Variants in OSMR observed in about 807,000 individuals in gnomAD.
The protein encoded by OSMR is oncostatin M receptor.
OSMR carries 81 observed loss-of-function variants against 99.9 expected under a neutral mutation model. The ratio of observed to expected loss-of-function variants is 0.81; its 90% CI spans 0.68 to 0.97. OSMR has a LOEUF of 0.97. Among genes scored for constraint, OSMR ranks in the 50% least tolerant of loss-of-function variants. OSMR has a pLI of 0.00. For missense variants in OSMR, 1,099 were observed against 1,153.4 expected (o/e 0.95, Z 0.68); for synonymous variants, 406 against 410.4 (o/e 0.99, Z 0.13).
intron 1 of OSMR, among the ~76,000 whole-genome samples, chr5:38,863,186 AGAGGGAGAGGGGGAGGGG>A (rs1561341277): frequency 2.3e-4 from 6 of 26,304 alleles, no homozygotes; most frequent in Admixed American, 5.8e-4. Context: ...GGGGAGAGGG[AGAGGGAGAGGGGGAGGGG>A]GAGGGGGAGG....
At chr5:38,891,473 C>T (rs1414907793) in intron 7 of OSMR, among the ~76,000 whole-genome samples, 1 of 152,222 alleles carries the variant, frequency 6.6e-6, no homozygotes, top group Non-Finnish European at 1.5e-5. Context: ...AAGGAGGCAG[C>T]AGGCCCCATG....
At chr5:38,893,001 C>T (rs769939469) in intron 7 of OSMR, among the ~76,000 whole-genome samples, 3 of 152,206 alleles carry the variant, frequency 2.0e-5, no homozygotes, top group Admixed American at 6.5e-5. Context: ...ACATTTGTCA[C>T]CCTACCTCTG....
intron 9 of OSMR, among the ~76,000 whole-genome samples, chr5:38,915,620 G>A (rs1429338914): frequency 3.3e-5 from 5 of 152,126 alleles, no homozygotes; most frequent in African/African-American, 1.2e-4. Flanking sequence ...GTTTGTAGCA[G>A]TGCTACTAAC....
chr5:38,907,268 A>G (rs752971990), intron 9 of OSMR, among the ~76,000 whole-genome samples: 19 of 152,196 alleles, frequency 1.2e-4, no homozygotes, highest in Non-Finnish European at 2.2e-4. Context: ...AAGGGGTTGA[A>G]CAGGCGGCCT....
chr5:38,931,567 C>T (rs994306098), intron 15 of OSMR, among the ~76,000 whole-genome samples: 1 of 152,216 alleles, frequency 6.6e-6, no homozygotes, highest in African/African-American at 2.4e-5. Context: ...ATAGTATTCT[C>T]ACCTACCATG....
intron 9 of OSMR, among the ~76,000 whole-genome samples, chr5:38,916,500 G>A (rs952991158): frequency 2.0e-5 from 3 of 152,156 alleles, no homozygotes; most frequent in African/African-American, 7.2e-5. Context: ...GAATTGTTAT[G>A]AGGATTAAAT....
intron 1 of OSMR, among the ~76,000 whole-genome samples, chr5:38,856,779 C>CT (rs1740887458): frequency 6.6e-6 from 1 of 152,142 alleles, no homozygotes; most frequent in African/African-American, 2.4e-5. Context: ...GAAACTGGGA[C>CT]TAGGGGCACG....
At chr5:38,941,211 CAT>C in intron 1 of OSMR, 1 of 232,836 alleles carries the variant, frequency 4.3e-6, no homozygotes. Flanking sequence ...CCTACCACTG[CAT>C]TTAGTTTGTG....
rs1746907157 is a variant in OSMR at position 38,934,072 on chromosome 5, C to G, written c.*628C>G. On this transcript the variant is annotated 3_prime_UTR_variant, in exon 18 of 18. Transcript: ENST00000274276. ...ATATATAAAATGTGTGATGAATCAACAAGATTTCCACAATTCTTCTGTCAA... is the reference window on the plus strand; with the variant it reads ...ATATATAAAATGTGTGATGAATCAAGAAGATTTCCACAATTCTTCTGTCAA... The G allele has an allele frequency of 6.5e-6, 1 of 152,778 alleles. No homozygotes were observed. Among genetic ancestry groups the G allele is most frequent in the East Asian group, 1.9e-4 (1 of 5,172 alleles). The allele number at this position is 152,778 out of a possible 1,614,324, so 9.5% of individuals were successfully genotyped here.
chr5:38,907,347 G>A (rs1745310188), intron 9 of OSMR, among the ~76,000 whole-genome samples: 1 of 152,198 alleles, frequency 6.6e-6, no homozygotes, highest in African/African-American at 2.4e-5. Flanking sequence ...AATTGGACTG[G>A]CAGGAAGAGC....
chr5:38,918,770 T>A, intron 10 of OSMR, 70 bp from the exon 11 acceptor site: 1 of 1,586,084 alleles, frequency 6.3e-7, no homozygotes, highest in Non-Finnish European at 8.6e-7. Flanking sequence ...ACAGAAAAGA[T>A]GAAAAAGGAG....
intron 2 of OSMR, chr5:38,944,640 A>G (rs887870267): frequency 1.3e-5 from 17 of 1,337,464 alleles, no homozygotes; most frequent in African/African-American, 2.9e-5. Flanking sequence ...CATGAAATTT[A>G]TTTTTAAACT....
At chr5:38,941,783 G>A (rs974655792) in intron 1 of OSMR, 4 of 232,648 alleles carry the variant, frequency 1.7e-5, no homozygotes, top group South Asian at 1.8e-4. Flanking sequence ...TAAGAAAAAC[G>A]TGAAAGGGCC....
intron 7 of OSMR, among the ~76,000 whole-genome samples, chr5:38,900,459 G>T (rs981908349): frequency 1.3e-5 from 2 of 152,126 alleles, no homozygotes; most frequent in South Asian, 4.1e-4. Flanking sequence ...GATCCTGCAG[G>T]TGGGACAATC....
chr5:38,852,396 G>A (rs1351510438), intron 1 of OSMR, among the ~76,000 whole-genome samples: 2 of 152,162 alleles, frequency 1.3e-5, no homozygotes, highest in Non-Finnish European at 2.9e-5. Context: ...ACCTCTGTAA[G>A]GTTGTATGCT....
chr5:38,871,170 C>G (rs1251728571), intron 2 of OSMR, among the ~76,000 whole-genome samples: 1 of 152,230 alleles, frequency 6.6e-6, no homozygotes, highest in African/African-American at 2.4e-5. Context: ...TCCCAGGCAT[C>G]TAACTCTAAG....
chr5:38,892,130 G>A (rs573079859), intron 7 of OSMR, among the ~76,000 whole-genome samples: 1 of 152,280 alleles, frequency 6.6e-6, no homozygotes, highest in African/African-American at 2.4e-5. Context: ...TGGATGGGAG[G>A]AAGCAGGAGC....
At chr5:38,898,927 T>C (rs1208742249) in intron 7 of OSMR, among the ~76,000 whole-genome samples, 2 of 151,470 alleles carry the variant, frequency 1.3e-5, no homozygotes, top group Non-Finnish European at 2.9e-5. Flanking sequence ...TTTAACTTTT[T>C]GTTGTTTCTA....
intron 15 of OSMR, chr5:38,931,647 A>AGAT (rs549765539): frequency 2.8e-5 from 7 of 249,072 alleles, no homozygotes; most frequent in Non-Finnish European, 4.5e-5. Context: ...CAGAAGAGAT[A>AGAT]GATAGTAACA....
Sources: allele counts gnomAD v4.1 joint callset (sites outside exome capture counted in the v4.1 genomes callset), GRCh38; gene constraint gnomAD v4.1.1; transcripts MANE v1.5; gene names NCBI Gene and HGNC (gene_info 2026-07-23, HGNC 2026-07-21).